Variants in CPED1 observed in about 807,000 individuals in gnomAD.
CPED1 encodes cadherin-like and PC-esterase domain-containing protein 1.
Under a neutral mutation model 128.2 loss-of-function variants are expected in CPED1, and 114 were observed. That is an observed-to-expected ratio of 0.89 (90% CI 0.76 to 1.04). The LOEUF (loss-of-function observed/expected upper bound fraction) is 1.04, where lower values mean the gene tolerates loss of function less well. CPED1 is among the 50% of genes least tolerant of loss of function. The probability of loss-of-function intolerance (pLI) is 0.00; values close to 1 mark genes in which losing one functional copy is unlikely to be tolerated. For synonymous variants in CPED1, 462 were observed against 426.7 expected, an observed-to-expected ratio of 1.08 and a Z score of -1.02; for missense variants, 1,211 against 1,207.1, an observed-to-expected ratio of 1.00 and a Z score of -0.05.
intron 5 of CPED1, among the ~76,000 whole-genome samples, chr7:121,096,142 C>T (rs1169715979): frequency 1.3e-5 from 2 of 151,974 alleles, no homozygotes; most frequent in Non-Finnish European, 2.9e-5. Context: ...CCTCCAAAAC[C>T]AAAGCCATTT....
At chr7:121,126,011 TACTGTAGGCTTATATTC>T in intron 9 of CPED1, 119 bp downstream of exon 9, 1 of 706,954 alleles carries the variant, frequency 1.4e-6, no homozygotes, top group Non-Finnish European at 2.5e-6. Context: ...TTTGCAAAAG[TACTGTAGGCTTATATTC>T]ACTGTGGTTC....
chr7:121,256,134 A>C (rs1006717674), intron 18 of CPED1, among the ~76,000 whole-genome samples: 1 of 149,132 alleles, frequency 6.7e-6, no homozygotes, highest in African/African-American at 2.5e-5. Context: ...CAAAACAAAA[A>C]AAAAAAACAA....
chr7:121,158,934 A>G (rs1293534883), intron 16 of CPED1, among the ~76,000 whole-genome samples: 1 of 152,188 alleles, frequency 6.6e-6, no homozygotes, highest in African/African-American at 2.4e-5. Context: ...AGAATGTTAT[A>G]TTCTTTTTAA....
chr7:121,179,116 A>G (rs1268513069), intron 16 of CPED1, among the ~76,000 whole-genome samples: 1 of 152,124 alleles, frequency 6.6e-6, no homozygotes, highest in Non-Finnish European at 1.5e-5. Context: ...CAGTGAAGTC[A>G]GGCCCTGAAG....
At chr7:121,229,533 G>A (rs1448443835) in intron 16 of CPED1, among the ~76,000 whole-genome samples, 1 of 151,842 alleles carries the variant, frequency 6.6e-6, no homozygotes, top group African/African-American at 2.4e-5. Flanking sequence ...TCCTTGTAAT[G>A]GGAAACCATT....
At chr7:121,071,759 C>CA (rs1388352896) in intron 5 of CPED1, among the ~76,000 whole-genome samples, 1 of 152,044 alleles carries the variant, frequency 6.6e-6, no homozygotes, top group African/African-American at 2.4e-5. Context: ...TCATTCTTGT[C>CA]AGTTTCAACA....
chr7:121,134,334 GAT>G (rs752270264), intron 13 of CPED1, among the ~76,000 whole-genome samples: 9 of 152,016 alleles, frequency 5.9e-5, no homozygotes, highest in African/African-American at 9.7e-5. Context: ...GACACAAAAA[GAT>G]AAAAACCCCA....
At chr7:121,211,718 A>T (rs1312983672) in intron 16 of CPED1, among the ~76,000 whole-genome samples, 3 of 152,094 alleles carry the variant, frequency 2.0e-5, no homozygotes, top group Non-Finnish European at 4.4e-5. Flanking sequence ...GAGTAGAGTC[A>T]CAGCATCAGC....
intron 22 of CPED1, among the ~76,000 whole-genome samples, chr7:121,291,424 A>T (rs921978328): frequency 2.6e-5 from 4 of 152,166 alleles, no homozygotes; most frequent in African/African-American, 9.7e-5. Flanking sequence ...GATTCTTCCT[A>T]TCCATAAGCA....
At chr7:121,241,638 T>G (rs1798399714) in intron 17 of CPED1, among the ~76,000 whole-genome samples, 1 of 152,112 alleles carries the variant, frequency 6.6e-6, no homozygotes, top group African/African-American at 2.4e-5. Context: ...GTACCACTCC[T>G]TCCAGGTCTT....
chr7:121,039,912 C>G (rs1377547879), intron 3 of CPED1, among the ~76,000 whole-genome samples: 5 of 151,980 alleles, frequency 3.3e-5, no homozygotes, highest in African/African-American at 1.2e-4. Flanking sequence ...TTTCTTGAAC[C>G]TATGAGTAGC....
intron 22 of CPED1, among the ~76,000 whole-genome samples, chr7:121,291,248 C>A (rs769972907): frequency 1.6e-4 from 24 of 152,148 alleles, no homozygotes; most frequent in Non-Finnish European, 8.8e-5. Context: ...ATGCCTCCAG[C>A]TTTGTTCTTT....
At chr7:121,128,846 G>T (rs1031380427) in intron 11 of CPED1, among the ~76,000 whole-genome samples, 1 of 151,906 alleles carries the variant, frequency 6.6e-6, no homozygotes, top group African/African-American at 2.4e-5. Flanking sequence ...TTATCCCCTT[G>T]TTATTTCTGC....
intron 7 of CPED1, among the ~76,000 whole-genome samples, chr7:121,110,250 G>A (rs1313279428): frequency 6.6e-6 from 1 of 152,090 alleles, no homozygotes; most frequent in African/African-American, 2.4e-5. Flanking sequence ...GTTATGTTGG[G>A]CTCCAGTAGC....
At chr7:121,213,433 A>G (rs537929223) in intron 16 of CPED1, among the ~76,000 whole-genome samples, 1 of 152,136 alleles carries the variant, frequency 6.6e-6, no homozygotes, top group Admixed American at 6.5e-5. Context: ...TTCTCTATAA[A>G]TGGCATTTCC....
chr7:121,197,748 G>A (rs945527131), intron 16 of CPED1, among the ~76,000 whole-genome samples: 4 of 152,112 alleles, frequency 2.6e-5, no homozygotes, highest in African/African-American at 7.2e-5. Flanking sequence ...TGAGAGAGCC[G>A]TGGAACTGAC....
intron 22 of CPED1, among the ~76,000 whole-genome samples, chr7:121,275,538 G>A (rs948745138): frequency 1.3e-5 from 2 of 152,134 alleles, no homozygotes; most frequent in African/African-American, 4.8e-5. Context: ...CCTGGCTGCA[G>A]AAGGGACAAA....
intron 4 of CPED1, among the ~76,000 whole-genome samples, chr7:121,053,393 TG>T (rs1211900987): frequency 1.3e-5 from 2 of 152,172 alleles, no homozygotes; most frequent in South Asian, 2.1e-4. Context: ...CAATTTGGAT[TG>T]GTCTGATGAT....
At chr7:121,265,088 G>A (rs1463831550) in intron 18 of CPED1, among the ~76,000 whole-genome samples, 3 of 152,036 alleles carry the variant, frequency 2.0e-5, no homozygotes, top group African/African-American at 7.2e-5. Flanking sequence ...TTCGTGTAGG[G>A]TCCGGAGGGT....
Sources: allele counts gnomAD v4.1 joint callset (sites outside exome capture counted in the v4.1 genomes callset), GRCh38; gene constraint gnomAD v4.1.1; transcripts MANE v1.5; gene names NCBI Gene and HGNC (gene_info 2026-07-23, HGNC 2026-07-21).